Variants in SPHK2 observed in about 807,000 individuals in gnomAD.
SPHK2 encodes the protein sphingosine kinase 2.
In SPHK2, 18 loss-of-function variants were observed where a neutral mutation model predicts 32.3. That is an observed-to-expected ratio of 0.56 (90% confidence interval 0.39 to 0.83). The LOEUF (loss-of-function observed/expected upper bound fraction) is 0.83, where lower values mean the gene tolerates loss of function less well. Ranked by LOEUF, SPHK2 falls within the 40% of genes least tolerant of loss-of-function variation. The pLI is 0.00. For missense variants in SPHK2, 850 were observed against 908.7 expected, an observed-to-expected ratio of 0.94 and a Z score of 0.83; for synonymous variants, 462 against 417.6, an observed-to-expected ratio of 1.11 and a Z score of -1.30.
At chr19:48,620,617 TTAA>T in intron 2 of SPHK2, 64 bp downstream of exon 2, 1 of 1,283,824 alleles carries the variant, frequency 7.8e-7, no homozygotes, top group Non-Finnish European at 1.1e-6. Context: ...AAGCTTTTCT[TTAA>T]AAAAAAAAAA....
rs1974607221 is a variant in SPHK2 at position 48,626,088 on chromosome 19, G to A, written c.237G>A (p.Leu79=). 1 of 1,612,694 alleles carries A rather than the reference G, an allele frequency of 6.2e-7. No individual in the cohort carries two copies. Among genetic ancestry groups the A allele is most frequent in the Non-Finnish European group, 8.5e-7 (1 of 1,179,584 alleles). ...CGCAGGCCCTGCACATACAGCGGCT[G>A]CGCCCCAAACCTGAAGCCAGGCCCC... ...LTSQALHIQR[L]RPKPEARPRG... Residue 79 remains leucine (L), a synonymous_variant, in exon 3 of 7, where the codon CTG becomes CTA. Coordinates refer to ENST00000245222, the MANE Select transcript of SPHK2 (RefSeq NM_020126.5).
chr19:48,627,061 G>C (rs1474249255), intron 3 of SPHK2, among the ~76,000 whole-genome samples: 1 of 152,186 alleles, frequency 6.6e-6, no homozygotes, highest in Non-Finnish European at 1.5e-5. Flanking sequence ...TTGAACCCGG[G>C]AGGCAGAGGC....
At position 48,626,266 on chromosome 19, in the gene SPHK2, G is replaced by T. The variant is rs1478469137; in HGVS notation, c.415G>T (p.Gly139Trp). The change falls in exon 3 of 7, where the codon GGG becomes TGG. Residue 139 changes from glycine to tryptophan, a missense_variant. Gly to Trp is a radical substitution (Grantham distance 184). Coordinates refer to ENST00000245222, the MANE Select transcript of SPHK2 (RefSeq NM_020126.5). Reference sequence around the variant, plus strand: ...AGCCACTCGCACCTTCCGGGCAGATGGGGCCGCCACCTACGAAGAGAACCG... The same window carrying T: ...AGCCACTCGCACCTTCCGGGCAGATTGGGCCGCCACCTACGAAGAGAACCG... Reference protein sequence around the residue: ...RRATRTFRADGAATYEENRAE... With the variant: ...RRATRTFRADWAATYEENRAE... The T allele has an allele frequency of 2.5e-6, 4 of 1,594,422 alleles. No homozygotes were observed. Among genetic ancestry groups the T allele is most frequent in the Non-Finnish European group, 3.4e-6 (4 of 1,177,506 alleles).
chr19:48,629,100 C>T lies in SPHK2; in HGVS notation c.1292C>T (p.Ala431Val). Residue 431 changes from alanine to valine, a missense_variant, in exon 7 of 7, where the codon GCC becomes GTC. Around this residue, in one of 2 missense-constraint regions of SPHK2, gnomAD observed 544 missense variants for 640.0 expected, o/e 0.85. Coordinates refer to ENST00000245222, the MANE Select transcript of SPHK2 (RefSeq NM_020126.5). Reference sequence around the variant, plus strand: ...CTGCCTCTTCCCCTGCCCCAGCCTGCCCTGGCCTCTCCTGGCTCGCCAGAA... The same window carrying T: ...CTGCCTCTTCCCCTGCCCCAGCCTGTCCTGGCCTCTCCTGGCTCGCCAGAA... ...SDLPLPLPQPALASPGSPEPL... is the reference protein window; with the variant it reads ...SDLPLPLPQPVLASPGSPEPL... The T allele has an allele frequency of 1.2e-6, 2 of 1,613,562 alleles. No homozygotes were observed. Among genetic ancestry groups the T allele is most frequent in the South Asian group, 2.2e-5 (2 of 91,088 alleles).
chr19:48,626,451 GT>G (rs1392837849), intron 3 of SPHK2, 89 bp downstream of exon 3: 1 of 1,403,610 alleles, frequency 7.1e-7, no homozygotes, highest in African/African-American at 1.5e-5. Context: ...TTATTTTTCT[GT>G]GTGTCTGGGT....
In SPHK2 at chr19:48,629,445, C is replaced by G; in HGVS notation, c.1637C>G (p.Pro546Arg). The change falls in exon 7 of 7, where the codon CCC becomes CGC. Residue 546 changes from proline (P) to arginine (R), a missense_variant. By Grantham distance (103) the Pro-to-Arg change is moderately radical (BLOSUM62 -2). Around this residue, in one of 2 missense-constraint regions of SPHK2, gnomAD observed 306 missense variants for 268.6 expected, o/e 1.14. Coordinates refer to ENST00000245222, the MANE Select transcript of SPHK2 (RefSeq NM_020126.5). The stretch of plus-strand genomic sequence containing the variant: ...TTTGTGCTCATGTTGGCCATCTCGC[C>G]CAGCCACCTAGGCGCTGACCTGGTG... ...GDFVLMLAISPSHLGADLVAA... is the reference protein window; with the variant it reads ...GDFVLMLAISRSHLGADLVAA... 1 of 1,609,368 alleles carries G rather than the reference C, an allele frequency of 6.2e-7. No individual in the cohort carries two copies. The highest frequency in any genetic ancestry group is 8.5e-7 in the Non-Finnish European group (1 of 1,178,808).
chr19:48,620,333 A>G (rs1974353415), intron 1 of SPHK2, 69 bp from the exon 2 acceptor site: 1 of 540,206 alleles, frequency 1.9e-6, no homozygotes, highest in Non-Finnish European at 3.3e-6. Flanking sequence ...GTTCTCAGGC[A>G]CATTGAGCCT....
At position 48,629,422 on chromosome 19, in the gene SPHK2, T is replaced by A; in HGVS notation, c.1614T>A (p.Phe538Leu). Residue 538 changes from phenylalanine to leucine, a missense_variant, in exon 7 of 7, where the codon TTT (phenylalanine) becomes TTA (leucine). Physicochemically the swap from Phe to Leu is conservative, Grantham distance 22. Transcript: ENST00000245222. ...ACTGGGTGACGCTGGAGGGGGACTT[T>A]GTGCTCATGTTGGCCATCTCGCCCA... ...PPDWVTLEGD[F>L]VLMLAISPSH... The A allele has an allele frequency of 6.2e-7, 1 of 1,611,196 alleles. No individual in the cohort carries two copies. Among genetic ancestry groups the A allele is most frequent in the Non-Finnish European group, 8.5e-7 (1 of 1,179,404 alleles).
In SPHK2 at chr19:48,627,740, T is replaced by C; in HGVS notation, c.560T>C (p.Val187Ala). Residue 187 changes from valine to alanine, a missense_variant, in exon 4 of 7, where the codon GTC becomes GCC. Physicochemically the swap from Val to Ala is moderately conservative, Grantham distance 64. This residue lies in a region of SPHK2 where 544 missense variants were observed against 640.0 expected (regional missense o/e 0.85). Transcript: ENST00000245222. ...LPRPPRLLLL[V>A]NPFGGRGLAW... ...CGGCCGCCCCGGTTGCTTCTATTGG[T>C]CAATCCCTTTGGGGGTCGGGGCCTG... 6.2e-7 allele frequency: 1 copy of C among 1,613,432 alleles called. No homozygotes were observed. The highest frequency in any genetic ancestry group is 8.5e-7 in the Non-Finnish European group (1 of 1,179,688).
rs2030222447 is a variant in SPHK2, at chr19:48,628,625, C to G, written c.873-56C>G. On this transcript the variant is annotated intron_variant, in intron 6 of 6. Coordinates refer to ENST00000245222, the MANE Select transcript of SPHK2 (RefSeq NM_020126.5). The surrounding 1 kb of genome is among the most constrained non-coding windows in gnomAD (Gnocchi z 5.2). ...CAGCTGCTTTCCTACCTGTCTCTTT[C>G]CCCAACCCCTGTTTGCTCCTTCCTT... The G allele has an allele frequency of 6.3e-7, 1 of 1,586,390 alleles. No homozygotes were observed. The highest frequency in any genetic ancestry group is 1.3e-5 in the African/African-American group (1 of 74,572).
chr19:48,620,636 A>AT, intron 2 of SPHK2, 83 bp downstream of exon 2: 1 of 1,132,670 alleles, frequency 8.8e-7, no homozygotes, highest in Non-Finnish European at 1.3e-6. Flanking sequence ...AAAAAAAAAA[A>AT]TTGGAGGCCA....
At chr19:48,627,478 G>A (rs1357878429) in intron 3 of SPHK2, among the ~76,000 whole-genome samples, 1 of 152,220 alleles carries the variant, frequency 6.6e-6, no homozygotes, top group African/African-American at 2.4e-5. Context: ...CCACACATGG[G>A]GACAAAGGGC....
At position 48,626,334 on chromosome 19, in the gene SPHK2, C is replaced by T. The variant is rs1210109489; in HGVS notation, c.483C>T (p.Leu161=). The T allele has an allele frequency of 4.4e-6, 7 of 1,592,356 alleles. No individual in the cohort carries two copies. Among genetic ancestry groups the T allele is most frequent in the Non-Finnish European group, 5.1e-6 (6 of 1,177,406 alleles). ...GGGCCACTGCCCTCACCTGTCTGCTCCGAGGACTGCCACTGCCCGGGGATG... is the reference window on the plus strand; with the variant it reads ...GGGCCACTGCCCTCACCTGTCTGCTTCGAGGACTGCCACTGCCCGGGGATG... ...QRWATALTCL[L]RGLPLPGDGE... The change falls in exon 3 of 7, where the codon CTC becomes CTT. Residue 161 remains leucine (L), a synonymous_variant. Transcript: ENST00000245222.
At position 48,628,369 on chromosome 19, in the gene SPHK2, C is replaced by T. The variant is rs113018064; in HGVS notation, c.872+92C>T. 8,539 of 1,242,096 alleles carry T rather than the reference C, an allele frequency of 6.9e-3. 38 individuals are homozygous for T. Among genetic ancestry groups the T allele is most frequent in the Non-Finnish European group, 8.5e-3 (7,214 of 852,740 alleles). The allele number at this position is 1,242,096 out of a possible 1,614,324, so 76.9% of individuals were successfully genotyped here. A position where few individuals can be genotyped will look rare whatever the true frequency, so the allele number is the denominator to read the frequency against. On this transcript the variant is annotated intron_variant, in intron 6 of 6. Coordinates refer to ENST00000245222, the MANE Select transcript of SPHK2 (RefSeq NM_020126.5). The surrounding 1 kb of genome is among the most constrained non-coding windows in gnomAD (Gnocchi z 5.2). ...CCACTCAGCCAAACCCACAGTCAGT[C>T]AAGTAAATCAGCCTGCCTGTGGGAT...
intron 2 of SPHK2, chr19:48,620,795 G>A (rs532895632): frequency 1.4e-5 from 6 of 418,580 alleles, no homozygotes; most frequent in Non-Finnish European, 2.2e-5. Context: ...ATGGTGATGC[G>A]CACCTGTAAT....
chr19:48,620,755 C>G (rs1974370589), intron 2 of SPHK2: 2 of 524,174 alleles, frequency 3.8e-6, no homozygotes, highest in Non-Finnish European at 6.8e-6. Context: ...GAAACCCCAT[C>G]TCTACTAAAA....
At chr19:48,620,625 A>G (rs1974365221) in intron 2 of SPHK2, 72 bp downstream of exon 2, 1 of 1,394,202 alleles carries the variant, frequency 7.2e-7, no homozygotes, top group Non-Finnish European at 9.7e-7. Context: ...CTTTAAAAAA[A>G]AAAAAAAAAA....
rs1357198675 is a variant in SPHK2, at chr19:48,629,470, G to A, written c.1662G>A (p.Val554=). ...ISPSHLGADL[V]AAPHARFDDG... ...CCAGCCACCTAGGCGCTGACCTGGT[G>A]GCAGCTCCGCATGCGCGCTTCGACG... The change falls in exon 7 of 7, where the codon GTG becomes GTA. Residue 554 remains valine (V), a synonymous_variant. Coordinates refer to ENST00000245222, the MANE Select transcript of SPHK2 (RefSeq NM_020126.5). The A allele has an allele frequency of 6.2e-7, 1 of 1,608,232 alleles. No individual in the cohort carries two copies. The highest frequency in any genetic ancestry group is 8.5e-7 in the Non-Finnish European group (1 of 1,178,536).
At position 48,626,248 on chromosome 19, in the gene SPHK2, C is replaced by A; in HGVS notation, c.397C>A (p.Arg133Ser). ...GCGCGGGGCCCGGCGCAGAGCCACT[C>A]GCACCTTCCGGGCAGATGGGGCCGC... ...GRRGARRRAT[R>S]TFRADGAATY... The change falls in exon 3 of 7, where the codon CGC (arginine) becomes AGC (serine). Residue 133 changes from arginine (R) to serine (S), a missense_variant. Arg to Ser is a moderately radical substitution (Grantham distance 110). Coordinates refer to ENST00000245222, the MANE Select transcript of SPHK2 (RefSeq NM_020126.5). 1 of 1,595,398 alleles carries A rather than the reference C, an allele frequency of 6.3e-7. No homozygotes were observed. The highest frequency in any genetic ancestry group is 1.1e-5 in the South Asian group (1 of 90,372).
Sources: allele counts gnomAD v4.1 joint callset (sites outside exome capture counted in the v4.1 genomes callset), GRCh38; gene constraint gnomAD v4.1.1; regional missense constraint gnomAD v4.1.1; non-coding constraint Gnocchi (gnomAD v3.1); transcripts MANE v1.5; gene names NCBI Gene and HGNC (gene_info 2026-07-23, HGNC 2026-07-21).